Variants in CCDC13 observed in about 807,000 individuals in gnomAD.
The protein encoded by CCDC13 is coiled-coil domain containing 13.
Under a neutral mutation model 87.3 loss-of-function variants are expected in CCDC13, and 70 were observed. That is an observed-to-expected ratio of 0.80 (90% CI 0.66 to 0.98). The LOEUF (loss-of-function observed/expected upper bound fraction) is 0.98. CCDC13 is among the 50% of genes least tolerant of loss of function. The probability of loss-of-function intolerance (pLI) is 0.00; values close to 1 mark genes in which losing one functional copy is unlikely to be tolerated. For missense variants in CCDC13, 842 were observed against 892.0 expected, an observed-to-expected ratio of 0.94 and a Z score of 0.71; for synonymous variants, 317 against 360.3, an observed-to-expected ratio of 0.88 and a Z score of 1.36.
At position 42,739,753 on chromosome 3, in the gene CCDC13, A is replaced by G. The variant is rs1699155387; in HGVS notation, c.1045T>C (p.Phe349Leu). The change falls in exon 9 of 16, where the codon TTC becomes CTC. Residue 349 changes from phenylalanine (F) to leucine (L), a missense_variant. Phe to Leu is a conservative substitution (Grantham distance 22). Transcript: ENST00000310232. ...QRELEELKKK[F>L]EGMRSRNKLL... is the part of the protein sequence containing the mutation. ...TTGTTCCGAGACCTCATGCCCTCGA[A>G]CTTCTTTTTTAGCTCTTCAAGCTCT... 6.2e-7 allele frequency: 1 copy of G among 1,613,974 alleles called. No homozygotes were observed. The highest frequency in any genetic ancestry group is 8.5e-7 in the Non-Finnish European group (1 of 1,180,010).
intron 9 of CCDC13, 112 bp downstream of exon 9, chr3:42,739,522 G>A: frequency 1.6e-6 from 2 of 1,221,988 alleles, no homozygotes; most frequent in Non-Finnish European, 2.3e-6. Context: ...GGGCTTTGGG[G>A]TTACACAGGT....
Position 42,739,597 on chromosome 3 carries a change from C to T in CCDC13, c.1164+37G>A, listed in dbSNP as rs373230318. The T allele has an allele frequency of 3.1e-5, 49 of 1,594,372 alleles. No homozygotes were observed. In the African/African-American group the frequency reaches 4.3e-4, roughly 14 times the overall value. On this transcript the variant is annotated intron_variant, in intron 9 of 15. Transcript: ENST00000310232. ...TGGGGCCCATCCTTTGAGGAACCAC[C>T]CCTGGCTCTCGCCCTGCCTGAGTGG...
At chr3:42,704,803 C>G (rs1457272139), downstream of CCDC13, 1 of 152,420 alleles carries the variant, frequency 6.6e-6, no homozygotes, top group Non-Finnish European at 1.5e-5. Context: ...CTAAGACCAG[C>G]ACTTGGCCCT....
chr3:42,754,128 T>G (rs1387408381), intron 3 of CCDC13, among the ~76,000 whole-genome samples: 6 of 152,160 alleles, frequency 3.9e-5, no homozygotes, highest in Non-Finnish European at 8.8e-5. Context: ...TATTTTTTAG[T>G]CCTGCTTTTT....
intron 7 of CCDC13, among the ~76,000 whole-genome samples, chr3:42,744,272 C>T (rs1252201746): frequency 2.0e-5 from 3 of 152,134 alleles, no homozygotes; most frequent in Non-Finnish European, 2.9e-5. Context: ...GCCCTTATCA[C>T]CCTTATAACG....
chr3:42,753,551 C>T (rs1036034485), intron 3 of CCDC13, among the ~76,000 whole-genome samples: 1 of 152,160 alleles, frequency 6.6e-6, no homozygotes, highest in African/African-American at 2.4e-5. Flanking sequence ...TAATTTAAAA[C>T]ATCAAAGAAA....
intron 1 of CCDC13, among the ~76,000 whole-genome samples, chr3:42,770,028 A>T (rs7614157): frequency 2.6e-5 from 4 of 152,104 alleles, no homozygotes; most frequent in African/African-American, 4.8e-5. Context: ...GTCCCATCAA[A>T]AGCCCAAGGG....
intron 12 of CCDC13, among the ~76,000 whole-genome samples, chr3:42,731,449 T>C (rs1016099869): frequency 2.6e-5 from 4 of 151,918 alleles, no homozygotes; most frequent in Non-Finnish European, 5.9e-5. Flanking sequence ...GACTCCTAAA[T>C]ATGCTCTAAG....
chr3:42,744,828 A>AAAAAT (rs1559652585), intron 7 of CCDC13: 5 of 151,942 alleles, frequency 3.3e-5, no homozygotes, highest in Admixed American at 6.6e-5. Flanking sequence ...AAAAAAAAAA[A>AAAAAT]AGAATTTGAC....
At chr3:42,730,141 C>A (rs1296202961) in intron 13 of CCDC13, among the ~76,000 whole-genome samples, 2 of 152,168 alleles carry the variant, frequency 1.3e-5, no homozygotes, top group Non-Finnish European at 2.9e-5. Flanking sequence ...AGCACAGTGC[C>A]AGGCTCATCA....
chr3:42,731,566 C>G (rs1698831532), intron 12 of CCDC13, among the ~76,000 whole-genome samples: 1 of 152,134 alleles, frequency 6.6e-6, no homozygotes, highest in African/African-American at 2.4e-5. Context: ...GAATCAGAAC[C>G]CACACTTGAC....
chr3:42,752,014 G>A lies in CCDC13; in HGVS notation c.525C>T (p.Ala175=). 1 of 1,606,862 alleles carries A rather than the reference G, an allele frequency of 6.2e-7. No homozygotes were observed. Residue 175 remains alanine, a synonymous_variant, in exon 5 of 16, where the codon GCC becomes GCT. Transcript: ENST00000310232. ...IQELERELQT[A]LTRLSAKGAT... The stretch of plus-strand genomic sequence containing the variant: ...CCCCCTTGGCTGACAGCCTGGTCAG[G>A]GCTGTCTGCAGCTGAAAAAGCAAAC...
chr3:42,748,833 C>T (rs1237802715), intron 5 of CCDC13, among the ~76,000 whole-genome samples: 3 of 152,142 alleles, frequency 2.0e-5, no homozygotes, highest in African/African-American at 7.2e-5. Flanking sequence ...CAGCTCACTG[C>T]AACCTCCGCC....
downstream of CCDC13, among the ~76,000 whole-genome samples, chr3:42,705,274 G>T (rs1698151058): frequency 6.6e-6 from 1 of 152,116 alleles, no homozygotes; most frequent in Admixed American, 6.5e-5. Flanking sequence ...GCCCCTGGGT[G>T]TGGGGGTGCA....
chr3:42,713,640 T>C (rs1464483584), intron 13 of CCDC13, among the ~76,000 whole-genome samples: 1 of 152,256 alleles, frequency 6.6e-6, no homozygotes, highest in Admixed American at 6.5e-5. Context: ...TATTTTTAGG[T>C]TTATATAAGG....
In CCDC13 at chr3:42,752,572, C is replaced by G; in HGVS notation, c.513+3G>C. ...CAGAGGGAGAATGACCAAGGCCCCT[C>G]ACTTCCCGCTCCAGCTCCTGGATGC... On this transcript the variant is annotated splice_donor_region_variant and intron_variant, in intron 4 of 15. Coordinates refer to ENST00000310232, the MANE Select transcript of CCDC13 (RefSeq NM_144719.4). The G allele has an allele frequency of 6.2e-7, 1 of 1,614,186 alleles. No homozygotes were observed.
chr3:42,710,818 A>C (rs1698293323), intron 14 of CCDC13, among the ~76,000 whole-genome samples: 1 of 152,186 alleles, frequency 6.6e-6, no homozygotes, highest in Non-Finnish European at 1.5e-5. Flanking sequence ...TCCTGGCTCC[A>C]GGGGACACTG....
chr3:42,743,122 T>A lies in CCDC13; in HGVS notation c.826-65A>T. 3.8e-6 allele frequency: 6 copies of A among 1,578,956 alleles called. No homozygotes were observed. The South Asian group carries it at 6.8e-5, about 18-fold the overall frequency. On this transcript the variant is annotated intron_variant, in intron 7 of 15. Coordinates refer to ENST00000310232, the MANE Select transcript of CCDC13 (RefSeq NM_144719.4). The stretch of plus-strand genomic sequence containing the variant: ...TGCCAGCCTCTTCTACTCAGAAGTG[T>A]GATAGGAGACCCCACAGACTGAAGA...
chr3:42,742,855 C>T (rs768097825), intron 8 of CCDC13, 41 bp downstream of exon 8: 15 of 1,609,020 alleles, frequency 9.3e-6, no homozygotes, highest in Admixed American at 1.7e-5. Flanking sequence ...CATGATCTCT[C>T]GTTCCCACAT....
Sources: gnomAD v4.1 joint callset for allele counts (sites outside exome capture counted in the v4.1 genomes callset) on GRCh38, gnomAD v4.1.1 for gene constraint, MANE v1.5 for transcripts, NCBI Gene and HGNC (gene_info 2026-07-23, HGNC 2026-07-21) for gene names.